Variants in AMBRA1 observed in about 807,000 individuals in gnomAD.
AMBRA1 encodes the protein activating molecule in BECN1-regulated autophagy protein 1.
Under a neutral mutation model 125.4 loss-of-function variants are expected in AMBRA1, and 47 were observed. The ratio of observed to expected loss-of-function variants is 0.37; its 90% CI spans 0.30 to 0.48. The LOEUF is 0.48. Among genes scored for constraint, AMBRA1 ranks in the 20% least tolerant of loss-of-function variants. AMBRA1 has a pLI of 0.99. For missense variants in AMBRA1, 1,331 were observed against 1,693.4 expected (o/e 0.79, Z 3.76); for synonymous variants, 626 against 655.5 (o/e 0.95, Z 0.69).
At chr11:46,533,316 C>T (rs1279672688) in intron 7 of AMBRA1, among the ~76,000 whole-genome samples, 4 of 152,178 alleles carry the variant, frequency 2.6e-5, no homozygotes, top group Admixed American at 6.5e-5. Context: ...TACAATTGTA[C>T]ATTTCTGTAA....
At chr11:46,475,500 C>T (rs1330804443) in intron 11 of AMBRA1, among the ~76,000 whole-genome samples, 1 of 152,186 alleles carries the variant, frequency 6.6e-6, no homozygotes, top group African/African-American at 2.4e-5. Flanking sequence ...ATACAAAAAT[C>T]CCCTCCCATC....
At chr11:46,515,344 G>C (rs865929038) in intron 7 of AMBRA1, among the ~76,000 whole-genome samples, 3 of 152,042 alleles carry the variant, frequency 2.0e-5, no homozygotes, top group Non-Finnish European at 2.9e-5. Context: ...GTGGTGGTGC[G>C]TGCCTATAAT....
intron 11 of AMBRA1, among the ~76,000 whole-genome samples, chr11:46,468,317 A>G (rs1213372593): frequency 6.6e-6 from 1 of 151,752 alleles, no homozygotes; most frequent in African/African-American, 2.4e-5. Flanking sequence ...AGGCAGGAGG[A>G]TGGCTTGAGT....
chr11:46,423,847 T>C (rs1161102874), intron 14 of AMBRA1, among the ~76,000 whole-genome samples: 1 of 134,140 alleles, frequency 7.5e-6, no homozygotes, highest in African/African-American at 2.9e-5. Flanking sequence ...CACCACAATC[T>C]CTGCCTCCTG....
Position 46,543,006 on chromosome 11 carries a change from A to G in AMBRA1, c.1011T>C (p.Thr337=). 6.2e-7 allele frequency: 1 copy of G among 1,600,380 alleles called. No homozygotes were observed. Among genetic ancestry groups the G allele is most frequent in the Non-Finnish European group, 8.5e-7 (1 of 1,179,908 alleles). The change falls in exon 7 of 18, where the codon ACT becomes ACC. Residue 337 remains threonine, a synonymous_variant. Transcript: ENST00000683756. ...TCTGTACAAAAGAAAAGGAAGGGGT[A>G]GTAGCTCTGGCAGAAGCAGGGGGGA... ...DSVPPASARA[T]TPSFSFVQTE... is the part of the protein sequence containing the mutation.
chr11:46,485,094 C>T (rs1016476053), intron 11 of AMBRA1, among the ~76,000 whole-genome samples: 4 of 152,182 alleles, frequency 2.6e-5, no homozygotes, highest in South Asian at 2.1e-4. Context: ...CCTGCCACCA[C>T]GCCCGGCTAA....
chr11:46,541,436 T>TC (rs1309286523), intron 7 of AMBRA1, among the ~76,000 whole-genome samples: 1 of 152,194 alleles, frequency 6.6e-6, no homozygotes, highest in Non-Finnish European at 1.5e-5. Context: ...TATTTTTTTT[T>TC]CTTTTCCCTT....
intron 1 of AMBRA1, among the ~76,000 whole-genome samples, chr11:46,569,858 G>A: frequency 6.6e-6 from 1 of 152,176 alleles, no homozygotes; most frequent in East Asian, 1.9e-4. Context: ...CTACTCAGGA[G>A]GCTGAGGCAG....
chr11:46,562,549 T>G (rs1456137149), intron 1 of AMBRA1, among the ~76,000 whole-genome samples: 1 of 152,106 alleles, frequency 6.6e-6, no homozygotes, highest in African/African-American at 2.4e-5. Flanking sequence ...GTATTTGAGG[T>G]GTGAGAGAGA....
rs754189496 is a variant in AMBRA1, at chr11:46,542,444, G to A, written c.1573C>T (p.Pro525Ser). Residue 525 changes from proline to serine, a missense_variant, in exon 7 of 18, where the codon CCC becomes TCC. Coordinates refer to ENST00000683756, the MANE Select transcript of AMBRA1 (RefSeq NM_001387011.1). The surrounding 1 kb of genome is among the most constrained non-coding windows in gnomAD (Gnocchi z 5.9). ...ATTTCCTGGGCCTGTTGGGTCTGGG[G>A]AGCTTCCCCACTCAGGCTCTGATCC... ...ELDQSLSGEA[P>S]QTQQAQEMLN... 11 of 1,613,872 alleles carry A rather than the reference G, an allele frequency of 6.8e-6. No homozygotes were observed. The highest frequency in any genetic ancestry group is 1.6e-4 in the Middle Eastern group (1 of 6,084).
chr11:46,400,615 T>A (rs1171065144), intron 17 of AMBRA1, among the ~76,000 whole-genome samples: 1 of 149,938 alleles, frequency 6.7e-6, no homozygotes, highest in Non-Finnish European at 1.5e-5. Flanking sequence ...CTCAGCCTCC[T>A]GAGTAGTAGG....
intron 11 of AMBRA1, among the ~76,000 whole-genome samples, chr11:46,489,555 T>A (rs1241765249): frequency 1.3e-5 from 2 of 152,354 alleles, no homozygotes; most frequent in Non-Finnish European, 2.9e-5. Flanking sequence ...CGTAATGACC[T>A]GTGGCTAGGA....
At chr11:46,561,976 G>A (rs946786010) in intron 1 of AMBRA1, among the ~76,000 whole-genome samples, 3 of 152,174 alleles carry the variant, frequency 2.0e-5, no homozygotes, top group Non-Finnish European at 4.4e-5. Flanking sequence ...TGTTGGCACT[G>A]TTCTAGGCAC....
At chr11:46,522,206 G>C (rs1951791508) in intron 7 of AMBRA1, among the ~76,000 whole-genome samples, 1 of 152,156 alleles carries the variant, frequency 6.6e-6, no homozygotes, top group Non-Finnish European at 1.5e-5. Context: ...TGTCTGGTGG[G>C]TAGTTATTTT....
At chr11:46,505,355 AG>A in intron 9 of AMBRA1, among the ~76,000 whole-genome samples, 1 of 152,328 alleles carries the variant, frequency 6.6e-6, no homozygotes, top group South Asian at 2.1e-4. Flanking sequence ...TTTACTGTAG[AG>A]GGAGGTGGGC....
Position 46,542,522 on chromosome 11 carries a change from G to C in AMBRA1, c.1495C>G (p.Leu499Val). The change falls in exon 7 of 18, where the codon CTT (leucine) becomes GTT (valine). Residue 499 changes from leucine (L) to valine (V), a missense_variant. Physicochemically the swap from Leu to Val is conservative, Grantham distance 32 (BLOSUM62 1). Around this residue, in one of 4 missense-constraint regions of AMBRA1, gnomAD observed 689 missense variants for 776.5 expected, o/e 0.89. Transcript: ENST00000683756. The surrounding 1 kb of genome is among the most constrained non-coding windows in gnomAD (Gnocchi z 5.9). ...QNNSGSIRHE[L>V]QCDLRRFFLE... is the part of the protein sequence containing the mutation. ...AAGAAGCGTCTCAGGTCACACTGAA[G>C]CTCATGGCGAATGCTGCCCGAGTTG... 2 of 1,613,348 alleles carry C rather than the reference G, an allele frequency of 1.2e-6. No homozygotes were observed. The highest frequency in any genetic ancestry group is 1.1e-5 in the South Asian group (1 of 91,082).
intron 17 of AMBRA1, among the ~76,000 whole-genome samples, chr11:46,407,139 G>A (rs1052249986): frequency 2.0e-5 from 3 of 152,120 alleles, no homozygotes; most frequent in African/African-American, 7.2e-5. Context: ...AGATCGCAGA[G>A]GCTGAAGTGA....
At chr11:46,406,608 T>C (rs898936957) in intron 17 of AMBRA1, among the ~76,000 whole-genome samples, 1 of 152,138 alleles carries the variant, frequency 6.6e-6, no homozygotes. Context: ...TGGCTAGGTA[T>C]GGTGGCTCAC....
At position 46,476,382 on chromosome 11, in the gene AMBRA1, G is replaced by T. The variant is rs116917714; in HGVS notation, c.2521+17226C>A. Among the ~76,000 whole-genome samples the T allele has an allele frequency of 7.1e-3, 1,077 of 152,252 alleles. 7 individuals are homozygous for T. The highest frequency in any genetic ancestry group is 0.012 in the Non-Finnish European group (836 of 67,998). ...GCACACTGTTTTTCACTTAGATGGT[G>T]TATTTTTAGGGGTGGCTTGTGGTTA... On this transcript the variant is annotated intron_variant, in intron 11 of 17. Coordinates refer to ENST00000683756, the MANE Select transcript of AMBRA1 (RefSeq NM_001387011.1).
Sources: gnomAD v4.1 joint callset for allele counts (sites outside exome capture counted in the v4.1 genomes callset) on GRCh38, gnomAD v4.1.1 for gene constraint, gnomAD v4.1.1 regional missense constraint, Gnocchi (gnomAD v3.1) non-coding constraint, MANE v1.5 for transcripts, NCBI Gene and HGNC (gene_info 2026-07-23, HGNC 2026-07-21) for gene names.